The following CPLX2 variants were observed in gnomAD, a reference collection of about 807,000 sequenced individuals.
CPLX2 encodes complexin-2.
A neutral mutation model predicts 16.3 loss-of-function variants in CPLX2; 5 were observed. That is an observed-to-expected ratio of 0.31 (90% CI 0.16 to 0.64). CPLX2 has a LOEUF of 0.64. CPLX2 is among the 30% of genes least tolerant of loss of function. The pLI is 0.79. For synonymous variants in CPLX2, 89 were observed against 73.2 expected (o/e 1.22, Z -1.10); for missense variants, 144 against 181.4 (o/e 0.79, Z 1.18).
At chr5:175,848,851 G>A (rs149077990) in intron 2 of CPLX2, among the ~76,000 whole-genome samples, 1 of 152,278 alleles carries the variant, frequency 6.6e-6, no homozygotes, top group Non-Finnish European at 1.5e-5. Flanking sequence ...GAGAGCATGT[G>A]CAAAGGTCCT....
chr5:175,806,982 G>T (rs543076926), intron 1 of CPLX2, among the ~76,000 whole-genome samples: 5 of 152,318 alleles, frequency 3.3e-5, no homozygotes, highest in African/African-American at 1.2e-4. Flanking sequence ...GAGTGTTAAG[G>T]ATTGTGACTG....
At chr5:175,871,448 A>AGAAAGAGAGAGAGAGAGT (rs1561790409), upstream of CPLX2, 3 of 109,684 alleles carry the variant, frequency 2.7e-5, no homozygotes, top group African/African-American at 9.6e-5. Flanking sequence ...AGAGAGAGAG[A>AGAAAGAGAGAGAGAGAGT]GAGAGAGAGA....
At chr5:175,878,804 C>G in intron 2 of CPLX2, 34 bp downstream of exon 2, 1 of 1,611,760 alleles carries the variant, frequency 6.2e-7, no homozygotes, top group Middle Eastern at 1.7e-4. Context: ...TGTCCTCAGC[C>G]GGTCCCACCC....
intron 2 of CPLX2, among the ~76,000 whole-genome samples, chr5:175,832,028 C>T (rs1054636052): frequency 1.7e-4 from 26 of 152,222 alleles, no homozygotes; most frequent in African/African-American, 6.3e-4. Flanking sequence ...GCTCTGCCCT[C>T]CATGTCTCTT....
chr5:175,824,924 G>T (rs939195868), intron 2 of CPLX2, among the ~76,000 whole-genome samples: 1 of 152,112 alleles, frequency 6.6e-6, no homozygotes, highest in African/African-American at 2.4e-5. Flanking sequence ...AGACCAGATT[G>T]GCATTTCTGT....
intron 2 of CPLX2, among the ~76,000 whole-genome samples, chr5:175,851,862 C>T (rs968998606): frequency 2.8e-4 from 42 of 152,194 alleles, no homozygotes; most frequent in Middle Eastern, 3.2e-3. Flanking sequence ...ATCCGTGGGC[C>T]GCTCAAGAAG....
At chr5:175,839,349 G>A (rs1204100594) in intron 2 of CPLX2, among the ~76,000 whole-genome samples, 1 of 152,066 alleles carries the variant, frequency 6.6e-6, no homozygotes, top group Non-Finnish European at 1.5e-5. Context: ...ACAGTGGCGT[G>A]ATCTCGGCTC....
At chr5:175,804,335 G>C (rs1047444245) in intron 1 of CPLX2, among the ~76,000 whole-genome samples, 21 of 152,252 alleles carry the variant, frequency 1.4e-4, no homozygotes, top group African/African-American at 5.1e-4. Flanking sequence ...TTCCTGGTGG[G>C]GGCCCCAGAG....
intron 2 of CPLX2, among the ~76,000 whole-genome samples, chr5:175,824,984 C>T (rs1015461388): frequency 9.2e-5 from 14 of 152,174 alleles, no homozygotes; most frequent in Non-Finnish European, 2.1e-4. Flanking sequence ...CCCCTCTGAG[C>T]CCCCATTCCC....
chr5:175,831,076 C>G (rs1014888212), intron 2 of CPLX2, among the ~76,000 whole-genome samples: 5 of 151,650 alleles, frequency 3.3e-5, no homozygotes, highest in African/African-American at 1.2e-4. Flanking sequence ...CTGTGAAAGC[C>G]AGTGTGCTGA....
At chr5:175,842,024 TAGGC>T (rs1200571709) in intron 2 of CPLX2, among the ~76,000 whole-genome samples, 2 of 152,198 alleles carry the variant, frequency 1.3e-5, no homozygotes, top group Non-Finnish European at 2.9e-5. Flanking sequence ...ATTCCTCCCA[TAGGC>T]CCTCCCTTCC....
intron 2 of CPLX2, among the ~76,000 whole-genome samples, chr5:175,855,097 T>C: frequency 6.6e-6 from 1 of 152,212 alleles, no homozygotes; most frequent in South Asian, 2.1e-4. Flanking sequence ...CAAGGCTTCT[T>C]TCCTGAGGAC....
chr5:175,813,075 G>A (rs1285484812), intron 2 of CPLX2, among the ~76,000 whole-genome samples: 3 of 152,128 alleles, frequency 2.0e-5, no homozygotes, highest in Non-Finnish European at 4.4e-5. Flanking sequence ...ACAGCTAAGC[G>A]GCTCTGGTAC....
chr5:175,843,851 TG>T (rs1758993623), intron 2 of CPLX2, among the ~76,000 whole-genome samples: 1 of 152,226 alleles, frequency 6.6e-6, no homozygotes, highest in Non-Finnish European at 1.5e-5. Flanking sequence ...CCGGGCCAGG[TG>T]GCTGGGCAAG....
intron 2 of CPLX2, among the ~76,000 whole-genome samples, chr5:175,813,825 C>T (rs1758357114): frequency 6.6e-6 from 1 of 152,234 alleles, no homozygotes; most frequent in African/African-American, 2.4e-5. Flanking sequence ...TTAGCCTCTC[C>T]TTAACCAGCT....
intron 2 of CPLX2, among the ~76,000 whole-genome samples, chr5:175,860,167 A>G (rs577583442): frequency 6.6e-6 from 1 of 152,252 alleles, no homozygotes; most frequent in African/African-American, 2.4e-5. Context: ...TCAGTCCCAC[A>G]TTCTGCCAGC....
intron 2 of CPLX2, among the ~76,000 whole-genome samples, chr5:175,865,843 G>A (rs183448218): frequency 2.5e-4 from 38 of 152,346 alleles, no homozygotes; most frequent in African/African-American, 8.4e-4. Context: ...CATGTGGGAT[G>A]AAGCACAAGA....
chr5:175,848,337 C>A (rs1265069743), intron 2 of CPLX2, among the ~76,000 whole-genome samples: 2 of 152,180 alleles, frequency 1.3e-5, no homozygotes, highest in African/African-American at 4.8e-5. Context: ...GGAAGCATCC[C>A]TGGACCAAGC....
intron 2 of CPLX2, among the ~76,000 whole-genome samples, chr5:175,860,720 G>C (rs1003250701): frequency 6.6e-6 from 1 of 152,018 alleles, no homozygotes; most frequent in Admixed American, 6.5e-5. Context: ...TGCCATCCTA[G>C]AGCCAATCAC....
Sources: allele counts gnomAD v4.1 joint callset (sites outside exome capture counted in the v4.1 genomes callset), GRCh38; gene constraint gnomAD v4.1.1; transcripts MANE v1.5; gene names NCBI Gene and HGNC (gene_info 2026-07-23, HGNC 2026-07-21).